The following TMEM232 variants were observed in gnomAD, a reference collection of about 807,000 sequenced individuals.
The protein encoded by TMEM232 is transmembrane protein 232.
In TMEM232, 80 loss-of-function variants were observed where a neutral mutation model predicts 78.8. The observed-to-expected ratio is 1.01, with a 90% CI of 0.85 to 1.22. The LOEUF is 1.22. Ranked by LOEUF, TMEM232 falls within the 50% of genes most tolerant of loss-of-function variation. The probability of loss-of-function intolerance (pLI) is 0.00; values close to 1 mark genes in which losing one functional copy is unlikely to be tolerated. For missense variants in TMEM232, 881 were observed against 742.2 expected (o/e 1.19, Z -2.17); for synonymous variants, 297 against 254.3 (o/e 1.17, Z -1.60).
chr5:110,463,907 C>A (rs1307255825), intron 12 of TMEM232, among the ~76,000 whole-genome samples: 2 of 152,202 alleles, frequency 1.3e-5, no homozygotes, highest in Non-Finnish European at 2.9e-5. Context: ...CTACCCCTTA[C>A]ACAGGCCAGG....
intron 8 of TMEM232, among the ~76,000 whole-genome samples, chr5:110,611,197 A>G (rs1306128238): frequency 2.6e-5 from 4 of 152,136 alleles, no homozygotes; most frequent in Admixed American, 6.6e-5. Context: ...GGGGAGAATT[A>G]GTGTAAATAA....
chr5:110,683,949 C>G (rs908176327), intron 1 of TMEM232, among the ~76,000 whole-genome samples: 4 of 151,810 alleles, frequency 2.6e-5, no homozygotes, highest in African/African-American at 9.7e-5. Context: ...GTACTTAAAG[C>G]AAAATAGTAG....
At chr5:110,423,780 CGTGT>C (rs146104536) in intron 13 of TMEM232, among the ~76,000 whole-genome samples, 1,765 of 142,448 alleles carry the variant, frequency 0.012, 15 homozygotes, top group African/African-American at 0.018. Context: ...TTTATGCGTG[CGTGT>C]GTGTGTGTGT....
chr5:110,488,921 T>C (rs1019928624), intron 12 of TMEM232, among the ~76,000 whole-genome samples: 13 of 151,874 alleles, frequency 8.6e-5, no homozygotes, highest in Non-Finnish European at 2.9e-5. Flanking sequence ...GGGAACAGTA[T>C]GAACAATCAT....
rs534896571 is a variant in TMEM232 at position 110,447,956 on chromosome 5, T to A, written c.1704-23040A>T. ...ATTATGAATTTAAAACCCTCAAAAATTGTCATTGAAGAAGTATTCAAAGAT... is the reference window on the plus strand; with the variant it reads ...ATTATGAATTTAAAACCCTCAAAAAATGTCATTGAAGAAGTATTCAAAGAT... On this transcript the variant is annotated intron_variant, in intron 12 of 13. Transcript: ENST00000455884. 2.0e-5 allele frequency among the ~76,000 whole-genome samples: 3 copies of A among 152,102 alleles called. No individual in the cohort carries two copies. In the East Asian group the frequency reaches 5.8e-4, roughly 29 times the overall value.
At chr5:110,677,711 G>A (rs982953925) in intron 1 of TMEM232, among the ~76,000 whole-genome samples, 2 of 152,014 alleles carry the variant, frequency 1.3e-5, no homozygotes, top group African/African-American at 2.4e-5. Flanking sequence ...ATAGGAACTG[G>A]CTGCTGGTAA....
chr5:110,632,809 G>A (rs924817374), intron 5 of TMEM232, among the ~76,000 whole-genome samples: 3 of 152,262 alleles, frequency 2.0e-5, no homozygotes, highest in Admixed American at 2.0e-4. Context: ...AAGGAGAAAA[G>A]TGAATGAAAG....
At chr5:110,686,908 C>T (rs1793485310) in intron 1 of TMEM232, among the ~76,000 whole-genome samples, 1 of 152,168 alleles carries the variant, frequency 6.6e-6, no homozygotes, top group Admixed American at 6.5e-5. Flanking sequence ...CCTCCCCTGA[C>T]TTCAGGTTGT....
In TMEM232 at chr5:110,602,672, G is replaced by C. The variant is rs545265361; in HGVS notation, c.1276+2437C>G. Among the ~76,000 whole-genome samples the C allele has an allele frequency of 1.4e-3, 208 of 152,230 alleles. 1 individual carries two copies. Among genetic ancestry groups the C allele is most frequent in the African/African-American group, 4.9e-3 (202 of 41,560 alleles). ...ATGCTGGAGAGGATCTGGAGAAATA[G>C]GAATGCTTTTACACTGTTGGTGGGA... On this transcript the variant is annotated intron_variant, in intron 10 of 13. Transcript: ENST00000455884.
intron 7 of TMEM232, among the ~76,000 whole-genome samples, chr5:110,622,124 G>A (rs1363193966): frequency 2.0e-5 from 3 of 152,250 alleles, no homozygotes; most frequent in East Asian, 1.9e-4. Context: ...ATAATTTGAC[G>A]TGAATCATAG....
chr5:110,610,883 C>A (rs959288083), intron 8 of TMEM232, among the ~76,000 whole-genome samples: 5 of 152,048 alleles, frequency 3.3e-5, no homozygotes, highest in Non-Finnish European at 7.4e-5. Flanking sequence ...TATAGCCAGC[C>A]AAGGTTCGTA....
intron 11 of TMEM232, among the ~76,000 whole-genome samples, chr5:110,550,462 CA>C (rs1436211733): frequency 2.0e-5 from 3 of 151,404 alleles, no homozygotes; most frequent in Non-Finnish European, 4.4e-5. Flanking sequence ...ATGATGCTCA[CA>C]AAAAAACATG....
At chr5:110,579,497 T>A (rs920100263) in intron 10 of TMEM232, among the ~76,000 whole-genome samples, 1 of 151,806 alleles carries the variant, frequency 6.6e-6, no homozygotes, top group Non-Finnish European at 1.5e-5. Flanking sequence ...TTTAAAAATA[T>A]GTTAATGTAT....
At chr5:110,730,139 C>G (rs955773399), upstream of TMEM232, among the ~76,000 whole-genome samples, 18 of 151,990 alleles carry the variant, frequency 1.2e-4, no homozygotes, top group Non-Finnish European at 2.4e-4. Flanking sequence ...TCATATTTCT[C>G]AAACCTTAAG....
At chr5:110,538,627 T>C (rs1164443030) in intron 11 of TMEM232, among the ~76,000 whole-genome samples, 3 of 152,174 alleles carry the variant, frequency 2.0e-5, no homozygotes, top group African/African-American at 7.2e-5. Flanking sequence ...CACTGGAGGA[T>C]TGACTGCCCC....
intron 13 of TMEM232, among the ~76,000 whole-genome samples, chr5:110,424,442 T>G (rs1183155330): frequency 1.3e-5 from 2 of 152,128 alleles, no homozygotes; most frequent in Non-Finnish European, 2.9e-5. Flanking sequence ...TGATTAACAG[T>G]CTTTCTGATC....
intron 6 of TMEM232, chr5:110,625,718 C>A (rs1356847081): frequency 5.5e-6 from 1 of 180,610 alleles, no homozygotes; most frequent in Non-Finnish European, 1.2e-5. Context: ...TTGGAAACTT[C>A]CAGATGAAAA....
intron 8 of TMEM232, chr5:110,618,068 G>A (rs1783163926): frequency 5.0e-6 from 1 of 198,170 alleles, no homozygotes; most frequent in Non-Finnish European, 1.0e-5. Flanking sequence ...AAGAAATACA[G>A]TATCAGTATA....
At chr5:110,543,600 T>C (rs1356375660) in intron 11 of TMEM232, among the ~76,000 whole-genome samples, 1 of 152,154 alleles carries the variant, frequency 6.6e-6, no homozygotes, top group East Asian at 1.9e-4. Flanking sequence ...ATCTATGTTA[T>C]TGGGATAATA....
Sources: allele counts gnomAD v4.1 joint callset (sites outside exome capture counted in the v4.1 genomes callset), GRCh38; gene constraint gnomAD v4.1.1; transcripts MANE v1.5; gene names NCBI Gene and HGNC (gene_info 2026-07-23, HGNC 2026-07-21).